ME1: variants seen among roughly 807,000 people sequenced by gnomAD.
ME1 encodes the protein NADP-dependent malic enzyme.
Under a neutral mutation model 66.4 loss-of-function variants are expected in ME1, and 74 were observed. The ratio of observed to expected loss-of-function variants is 1.11; its 90% CI spans 0.92 to 1.35. The LOEUF (loss-of-function observed/expected upper bound fraction) is 1.35. Ranked by LOEUF, ME1 falls within the 40% of genes most tolerant of loss-of-function variation. ME1 has a pLI of 0.00. For missense variants in ME1, 750 were observed against 694.1 expected, an observed-to-expected ratio of 1.08 and a Z score of -0.90; for synonymous variants, 251 against 235.6, an observed-to-expected ratio of 1.07 and a Z score of -0.60.
At position 83,213,030 on chromosome 6, in the gene ME1, C is replaced by A. The variant is rs1336616461; in HGVS notation, c.1549-936G>T. ...CACTTCATATATACTATTTAATTCA[C>A]ACCAGTTTTTTTTTTTTTTTGAGAT... On this transcript the variant is annotated intron_variant, in intron 13 of 13. Coordinates refer to ENST00000369705, the MANE Select transcript of ME1 (RefSeq NM_002395.6). 2.7e-5 allele frequency among the ~76,000 whole-genome samples: 4 copies of A among 148,852 alleles called. No homozygotes were observed. The East Asian group carries it at 6.1e-4, about 23-fold the overall frequency.
intron 7 of ME1, among the ~76,000 whole-genome samples, chr6:83,251,400 C>T (rs1790723172): frequency 6.6e-6 from 1 of 151,696 alleles, no homozygotes; most frequent in Non-Finnish European, 1.5e-5. Flanking sequence ...CAGGCTGAGG[C>T]AAGAGAATCA....
chr6:83,300,272 C>T (rs1412958711), intron 6 of ME1, among the ~76,000 whole-genome samples: 1 of 152,018 alleles, frequency 6.6e-6, no homozygotes, highest in Non-Finnish European at 1.5e-5. Context: ...AAACCCAAAA[C>T]CATAAAAACC....
At chr6:83,315,237 A>T in intron 6 of ME1, 73 bp downstream of exon 6, 1 of 879,760 alleles carries the variant, frequency 1.1e-6, no homozygotes, top group South Asian at 1.5e-5. Flanking sequence ...CATATTGCAT[A>T]AATCTTGGAT....
chr6:83,227,197 C>T (rs1189275427), intron 11 of ME1, 138 bp downstream of exon 11: 5 of 441,946 alleles, frequency 1.1e-5, no homozygotes, highest in African/African-American at 4.1e-5. Flanking sequence ...AGTTCTTATC[C>T]CTCTGATTTG....
intron 6 of ME1, among the ~76,000 whole-genome samples, chr6:83,276,736 T>G (rs990371999): frequency 1.3e-5 from 2 of 152,212 alleles, no homozygotes; most frequent in African/African-American, 4.8e-5. Flanking sequence ...CCCAATATAC[T>G]TATAACCAAC....
chr6:83,212,109 A>C lies in ME1; in HGVS notation c.1549-15T>G. 1 of 1,562,162 alleles carries C rather than the reference A, an allele frequency of 6.4e-7. No homozygotes were observed. The highest frequency in any genetic ancestry group is 8.7e-7 in the Non-Finnish European group (1 of 1,148,000). ...TCTTTCACAATCTAGATATAAGAAA[A>C]GAATATTAATTATTTTAATAAATAG... On this transcript the variant is annotated splice_polypyrimidine_tract_variant and intron_variant, in intron 13 of 13. Transcript: ENST00000369705.
chr6:83,219,736 A>G (rs1249330942), intron 12 of ME1, among the ~76,000 whole-genome samples: 1 of 136,220 alleles, frequency 7.3e-6, no homozygotes, highest in Non-Finnish European at 1.5e-5. Flanking sequence ...ATCATGCCCA[A>G]CTAATTTTTT....
At chr6:83,358,291 G>C (rs146214177) in intron 3 of ME1, among the ~76,000 whole-genome samples, 80 of 152,176 alleles carry the variant, frequency 5.3e-4, no homozygotes, top group African/African-American at 1.8e-3. Context: ...AAGGAGTTTA[G>C]TGACTCTATA....
intron 1 of ME1, among the ~76,000 whole-genome samples, chr6:83,411,747 G>A (rs917404873): frequency 2.6e-5 from 4 of 152,260 alleles, no homozygotes; most frequent in Admixed American, 2.0e-4. Context: ...GATATCAGAC[G>A]TCTATATAGA....
intron 5 of ME1, among the ~76,000 whole-genome samples, chr6:83,344,913 ATAAAC>A (rs1562486121): frequency 6.6e-6 from 1 of 151,804 alleles, no homozygotes; most frequent in African/African-American, 2.4e-5. Context: ...ATAATAATAA[ATAAAC>A]TATTTTATTT....
At chr6:83,304,830 C>T (rs1452340355) in intron 6 of ME1, among the ~76,000 whole-genome samples, 2 of 152,148 alleles carry the variant, frequency 1.3e-5, no homozygotes, top group Non-Finnish European at 2.9e-5. Context: ...AAATTTTATA[C>T]AAATTTTGTT....
At chr6:83,392,517 T>C in intron 3 of ME1, 1 of 535,496 alleles carries the variant, frequency 1.9e-6, no homozygotes, top group Non-Finnish European at 3.7e-6. Flanking sequence ...TCGCCATCAA[T>C]GACCCCTTCA....
intron 3 of ME1, among the ~76,000 whole-genome samples, chr6:83,356,105 G>A (rs756349807): frequency 9.2e-5 from 14 of 151,896 alleles, no homozygotes; most frequent in South Asian, 2.1e-4. Context: ...AGTTTATTTC[G>A]TATCAAGATA....
intron 5 of ME1, among the ~76,000 whole-genome samples, chr6:83,334,406 C>T (rs1212481259): frequency 1.6e-5 from 1 of 63,266 alleles, no homozygotes; most frequent in African/African-American, 6.7e-5. Flanking sequence ...CCCGCCATTG[C>T]CCAGGCTTGC....
intron 6 of ME1, among the ~76,000 whole-genome samples, chr6:83,268,668 C>A (rs954534374): frequency 6.6e-6 from 1 of 151,836 alleles, no homozygotes; most frequent in African/African-American, 2.4e-5. Flanking sequence ...CGGGCTCAAG[C>A]GATCCTCCAG....
At chr6:83,284,652 C>T (rs555840062) in intron 6 of ME1, among the ~76,000 whole-genome samples, 1 of 152,180 alleles carries the variant, frequency 6.6e-6, no homozygotes, top group South Asian at 2.1e-4. Context: ...TCCAACATCC[C>T]TTCATTATAA....
At chr6:83,277,883 T>G (rs1170498) in intron 6 of ME1, among the ~76,000 whole-genome samples, 1 of 150,382 alleles carries the variant, frequency 6.6e-6, no homozygotes, top group Admixed American at 6.6e-5. Flanking sequence ...GCTTGGGCGA[T>G]AGTGAGACTG....
At chr6:83,272,181 A>C (rs892751549) in intron 6 of ME1, among the ~76,000 whole-genome samples, 1 of 152,176 alleles carries the variant, frequency 6.6e-6, no homozygotes, top group Admixed American at 6.5e-5. Flanking sequence ...CACCTGATAT[A>C]TTAAAGGATC....
intron 6 of ME1, among the ~76,000 whole-genome samples, chr6:83,289,766 CT>C (rs1157950663): frequency 6.6e-6 from 1 of 151,920 alleles, no homozygotes; most frequent in Non-Finnish European, 1.5e-5. Context: ...TGGTCCTCGA[CT>C]TTTTTTGGTT....
Sources: allele counts gnomAD v4.1 joint callset (sites outside exome capture counted in the v4.1 genomes callset), GRCh38; gene constraint gnomAD v4.1.1; transcripts MANE v1.5; gene names NCBI Gene and HGNC (gene_info 2026-07-23, HGNC 2026-07-21).